Variants in CCDC60 observed in about 807,000 individuals in gnomAD.
CCDC60 encodes coiled-coil domain-containing protein 60.
A neutral mutation model predicts 63.5 loss-of-function variants in CCDC60; 54 were observed. That is an observed-to-expected ratio of 0.85 (90% CI 0.68 to 1.07). The LOEUF (loss-of-function observed/expected upper bound fraction) is 1.07, where lower values mean the gene tolerates loss of function less well. Ranked by LOEUF, CCDC60 falls within the 50% of genes least tolerant of loss-of-function variation. The probability of loss-of-function intolerance (pLI) is 0.00; values close to 1 mark genes in which losing one functional copy is unlikely to be tolerated. For missense variants in CCDC60, 651 were observed against 684.3 expected (o/e 0.95, Z 0.54); for synonymous variants, 206 against 238.8 (o/e 0.86, Z 1.27).
At chr12:119,450,165 A>G (rs1312348562) in intron 2 of CCDC60, among the ~76,000 whole-genome samples, 1 of 150,036 alleles carries the variant, frequency 6.7e-6, no homozygotes, top group Admixed American at 6.6e-5. Context: ...TCAGAAACAG[A>G]AAGTGAATTA....
At chr12:119,348,620 C>T (rs1234157757) in intron 1 of CCDC60, among the ~76,000 whole-genome samples, 1 of 152,130 alleles carries the variant, frequency 6.6e-6, no homozygotes, top group Non-Finnish European at 1.5e-5. Context: ...CGTGAAGATT[C>T]AAGATAATGT....
chr12:119,472,529 G>GGGC (rs1183622316), intron 3 of CCDC60, among the ~76,000 whole-genome samples: 1 of 151,370 alleles, frequency 6.6e-6, no homozygotes, highest in Non-Finnish European at 1.5e-5. Flanking sequence ...GGCAGCCCCA[G>GGGC]GGCCTGGCTC....
chr12:119,498,330 T>TC (rs926932637), intron 5 of CCDC60, among the ~76,000 whole-genome samples: 1 of 151,350 alleles, frequency 6.6e-6, no homozygotes, highest in Admixed American at 6.6e-5. Context: ...CTGTTCATCC[T>TC]CTTTTTTTTT....
intron 7 of CCDC60, among the ~76,000 whole-genome samples, chr12:119,509,915 T>C (rs1167869498): frequency 1.3e-5 from 2 of 152,086 alleles, no homozygotes; most frequent in East Asian, 3.9e-4. Flanking sequence ...TTTACCCAAG[T>C]CTTCAGGAAA....
intron 1 of CCDC60, among the ~76,000 whole-genome samples, chr12:119,409,324 C>A (rs1160393180): frequency 1.6e-4 from 25 of 152,060 alleles, no homozygotes. Flanking sequence ...GGAAGAAGGA[C>A]TGTCCTGTAT....
rs530004764 is a variant in CCDC60 at position 119,457,700 on chromosome 12, T to C, written c.171-14294T>C. Among the ~76,000 whole-genome samples, 5 of 150,194 alleles carry C rather than the reference T, an allele frequency of 3.3e-5. 1 individual carries two copies. The East Asian group carries it at 1.0e-3, about 30-fold the overall frequency. On this transcript the variant is annotated intron_variant, in intron 2 of 13. Coordinates refer to ENST00000327554, the MANE Select transcript of CCDC60 (RefSeq NM_178499.5). Reference sequence around the variant, plus strand: ...TTTAATTTGCATGCTGACAAAGATATTAACTTGGTGGTTGGCGGGGGGGAG... The same window carrying C: ...TTTAATTTGCATGCTGACAAAGATACTAACTTGGTGGTTGGCGGGGGGGAG...
chr12:119,418,208 T>C lies in CCDC60; in HGVS notation c.91-10475T>C, dbSNP rs1956739371. Among the ~76,000 whole-genome samples the C allele has an allele frequency of 3.3e-5, 5 of 152,052 alleles. No homozygotes were observed. The South Asian group carries it at 8.3e-4, about 25-fold the overall frequency. On this transcript the variant is annotated intron_variant, in intron 1 of 13. Transcript: ENST00000327554. ...GTACTATATATATAATATGTGTGTA[T>C]ATTTACAATTTTTTAAGCTGAGCCT...
chr12:119,462,788 C>CTTTA (rs1471025578), intron 2 of CCDC60, among the ~76,000 whole-genome samples: 4 of 139,666 alleles, frequency 2.9e-5, no homozygotes, highest in South Asian at 2.5e-4. Context: ...GCCCAACTAA[C>CTTTA]TTCATTTATT....
chr12:119,485,602 G>A (rs539528557), intron 4 of CCDC60, among the ~76,000 whole-genome samples: 6 of 152,070 alleles, frequency 3.9e-5, no homozygotes, highest in South Asian at 2.1e-4. Flanking sequence ...CTCAGTGCTC[G>A]CAGCCCTGGC....
chr12:119,479,435 C>T (rs892677170), intron 4 of CCDC60: 25 of 506,180 alleles, frequency 4.9e-5, no homozygotes, highest in African/African-American at 4.5e-4. Context: ...CTTGCCAAGC[C>T]AGACGCTCTA....
At chr12:119,399,784 G>A (rs1038974624) in intron 1 of CCDC60, among the ~76,000 whole-genome samples, 1 of 152,138 alleles carries the variant, frequency 6.6e-6, no homozygotes, top group East Asian at 1.9e-4. Context: ...ATCCAGCTTA[G>A]CCAACTAGTC....
chr12:119,342,395 A>G (rs972814832), intron 1 of CCDC60, among the ~76,000 whole-genome samples: 2 of 152,226 alleles, frequency 1.3e-5, no homozygotes, highest in Admixed American at 6.5e-5. Context: ...ATCTAACATG[A>G]GTATAGAAAG....
chr12:119,354,626 G>C (rs1955697932), intron 1 of CCDC60, among the ~76,000 whole-genome samples: 1 of 152,172 alleles, frequency 6.6e-6, no homozygotes, highest in Admixed American at 6.5e-5. Context: ...CAGTGCACGG[G>C]GCTCCAGGCA....
At chr12:119,335,420 G>A (rs1955460815) in intron 1 of CCDC60, among the ~76,000 whole-genome samples, 154 bp downstream of exon 1, 1 of 151,614 alleles carries the variant, frequency 6.6e-6, no homozygotes, top group Non-Finnish European at 1.5e-5. Context: ...CACCAACAGT[G>A]TAAAAGTGTT....
chr12:119,518,364 C>T (rs1039871798), intron 8 of CCDC60, among the ~76,000 whole-genome samples: 15 of 152,250 alleles, frequency 9.9e-5, no homozygotes, highest in African/African-American at 3.6e-4. Context: ...CTCTAAACCT[C>T]TGTTTTCTCA....
At chr12:119,522,817 T>C (rs77377737) in intron 9 of CCDC60, 122 bp from the exon 10 acceptor site, 77,238 of 852,842 alleles carry the variant, frequency 0.091, 4,145 homozygotes, top group Non-Finnish European at 0.11. Flanking sequence ...GACTGGTGCC[T>C]TGATTAGAAC....
intron 13 of CCDC60, among the ~76,000 whole-genome samples, chr12:119,540,354 C>T (rs888756728): frequency 2.6e-5 from 4 of 152,186 alleles, no homozygotes; most frequent in Non-Finnish European, 5.9e-5. Flanking sequence ...GCTGGGACTT[C>T]CTGTCCTCCC....
intron 3 of CCDC60, 122 bp downstream of exon 3, chr12:119,472,286 A>C (rs1489052146): frequency 3.5e-6 from 3 of 858,558 alleles, no homozygotes; most frequent in African/African-American, 3.4e-5. Flanking sequence ...TCAGCCTGGC[A>C]TCTAACACCT....
rs532832125 is a variant in CCDC60 at position 119,453,361 on chromosome 12, A to G, written c.171-18633A>G. Among the ~76,000 whole-genome samples the G allele has an allele frequency of 2.1e-4, 32 of 152,296 alleles. No homozygotes were observed. In the South Asian group the frequency reaches 6.4e-3, roughly 31 times the overall value. On this transcript the variant is annotated intron_variant, in intron 2 of 13. Coordinates refer to ENST00000327554, the MANE Select transcript of CCDC60 (RefSeq NM_178499.5). ...AATGAAGATCTGAGATAGAGATTAAATCAAAGAAGAATTAAGAAAAGAAAA... is the reference window on the plus strand; with the variant it reads ...AATGAAGATCTGAGATAGAGATTAAGTCAAAGAAGAATTAAGAAAAGAAAA...
Sources: gnomAD v4.1 joint callset for allele counts (sites outside exome capture counted in the v4.1 genomes callset) on GRCh38, gnomAD v4.1.1 for gene constraint, MANE v1.5 for transcripts, NCBI Gene and HGNC (gene_info 2026-07-23, HGNC 2026-07-21) for gene names.